Variants in CHRM3 observed in about 807,000 individuals in gnomAD.
CHRM3 encodes the protein muscarinic acetylcholine receptor M3.
CHRM3 carries 11 observed loss-of-function variants against 41.8 expected under a neutral mutation model. The ratio of observed to expected loss-of-function variants is 0.26; its 90% CI spans 0.17 to 0.44. CHRM3 has a LOEUF of 0.44. Among genes scored for constraint, CHRM3 ranks in the 20% least tolerant of loss-of-function variants. The pLI is 1.00. For missense variants in CHRM3, 571 were observed against 745.4 expected, an observed-to-expected ratio of 0.77 and a Z score of 2.72; for synonymous variants, 297 against 301.4, an observed-to-expected ratio of 0.99 and a Z score of 0.15.
intron 1 of CHRM3, among the ~76,000 whole-genome samples, chr1:239,389,265 T>C (rs1037120344): frequency 2.0e-5 from 3 of 152,218 alleles, no homozygotes; most frequent in African/African-American, 4.8e-5. Flanking sequence ...TAATGAGTAG[T>C]TCTGTATTAA....
Position 239,909,453 on chromosome 1 carries a change from A to C in CHRM3, c.*229A>C. Reference sequence around the variant, plus strand: ...AAAACATACTACTGAATATAAAGAAATTTATTCTGAAATAGACTTTACGTG... The same window carrying C: ...AAAACATACTACTGAATATAAAGAACTTTATTCTGAAATAGACTTTACGTG... On this transcript the variant is annotated 3_prime_UTR_variant, in exon 7 of 7. Coordinates refer to ENST00000676153, the MANE Select transcript of CHRM3 (RefSeq NM_001375978.1). 2.2e-6 allele frequency: 1 copy of C among 448,616 alleles called. No individual in the cohort carries two copies. The highest frequency in any genetic ancestry group is 4.0e-6 in the Non-Finnish European group (1 of 247,520). The allele number at this position is 448,616 out of a possible 1,614,324, so 27.8% of individuals were successfully genotyped here. A position where few individuals can be genotyped will look rare whatever the true frequency, so the allele number is the denominator to read the frequency against.
intron 5 of CHRM3, among the ~76,000 whole-genome samples, chr1:239,758,630 T>G (rs1666434580): frequency 6.6e-6 from 1 of 152,244 alleles, no homozygotes; most frequent in Non-Finnish European, 1.5e-5. Context: ...GCTCACAGTT[T>G]TAAAAAAATT....
rs181012460 is a variant in CHRM3 at position 239,913,418 on chromosome 1, C to T, written c.*4194C>T. 4.2e-5 allele frequency: 7 copies of T among 167,158 alleles called. No individual in the cohort carries two copies. In the East Asian group the frequency reaches 5.8e-4, roughly 14 times the overall value. The allele number at this position is 167,158 out of a possible 1,614,324, so 10.4% of individuals were successfully genotyped here. A position where few individuals can be genotyped will look rare whatever the true frequency, so the allele number is the denominator to read the frequency against. On this transcript the variant is annotated 3_prime_UTR_variant, in exon 7 of 7. Transcript: ENST00000676153. ...GAAAGAATATTTTGCTCCAATACCACGTGCAACAAACTTATTTAGACAGTA... is the reference window on the plus strand; with the variant it reads ...GAAAGAATATTTTGCTCCAATACCATGTGCAACAAACTTATTTAGACAGTA...
At chr1:239,787,492 G>A (rs903682210) in intron 5 of CHRM3, among the ~76,000 whole-genome samples, 1 of 152,116 alleles carries the variant, frequency 6.6e-6, no homozygotes, top group African/African-American at 2.4e-5. Flanking sequence ...AGAACTCCCA[G>A]TGGCAGGAAA....
chr1:239,908,664 G>C lies in CHRM3; in HGVS notation c.1213G>C (p.Ala405Pro). Residue 405 changes from alanine to proline, a missense_variant, in exon 7 of 7, where the codon GCC (alanine) becomes CCC (proline). Around this residue, in one of 5 missense-constraint regions of CHRM3, gnomAD observed 239 missense variants for 239.6 expected, o/e 1.00. Transcript: ENST00000676153. This position sits in a 1 kb window ranked among gnomAD's most constrained non-coding sequence, Gnocchi z 7.2. ...GGGGATGGTGGACTTGGAGAGGAAA[G>C]CCGACAAGCTGCAGGCCCAGAAGAG... ...ELGMVDLERK[A>P]DKLQAQKSVD... 6.2e-7 allele frequency: 1 copy of C among 1,612,822 alleles called. No individual in the cohort carries two copies. The highest frequency in any genetic ancestry group is 8.5e-7 in the Non-Finnish European group (1 of 1,179,444).
chr1:239,834,625 C>G (rs1238612904), intron 6 of CHRM3, among the ~76,000 whole-genome samples: 2 of 152,200 alleles, frequency 1.3e-5, no homozygotes, highest in Non-Finnish European at 2.9e-5. Flanking sequence ...CCCACTCAGT[C>G]TTCAAAGACC....
At chr1:239,432,477 C>T (rs1386580015) in intron 1 of CHRM3, among the ~76,000 whole-genome samples, 11 of 152,092 alleles carry the variant, frequency 7.2e-5, no homozygotes, top group Admixed American at 4.6e-4. Context: ...TTTGCTGTTA[C>T]GTGAAGAGTG....
intron 5 of CHRM3, among the ~76,000 whole-genome samples, chr1:239,739,721 C>T (rs1208892402): frequency 6.6e-6 from 1 of 151,930 alleles, no homozygotes; most frequent in Non-Finnish European, 1.5e-5. Flanking sequence ...AAAAATGGGG[C>T]ATGTCCCAGT....
At chr1:239,504,446 A>C (rs1668433884) in intron 2 of CHRM3, among the ~76,000 whole-genome samples, 1 of 152,212 alleles carries the variant, frequency 6.6e-6, no homozygotes, top group Non-Finnish European at 1.5e-5. Flanking sequence ...TGAACAGGGA[A>C]CACTTCTACA....
At chr1:239,893,745 A>G (rs1012915379) in intron 6 of CHRM3, among the ~76,000 whole-genome samples, 6 of 152,098 alleles carry the variant, frequency 3.9e-5, no homozygotes, top group Non-Finnish European at 8.8e-5. Context: ...AAAAAAAAAA[A>G]AAAAAAAGAA....
intron 1 of CHRM3, among the ~76,000 whole-genome samples, chr1:239,414,049 T>C (rs773374450): frequency 1.3e-5 from 2 of 152,214 alleles, no homozygotes; most frequent in Non-Finnish European, 2.9e-5. Flanking sequence ...TAGGCCCTTG[T>C]CGTTTGTAAA....
At chr1:239,759,714 G>A (rs1666571876) in intron 5 of CHRM3, among the ~76,000 whole-genome samples, 2 of 152,044 alleles carry the variant, frequency 1.3e-5, no homozygotes, top group South Asian at 2.1e-4. Context: ...ATTTTTACAC[G>A]GCCAGAAAGG....
rs568453825 is a variant in CHRM3, at chr1:239,821,137, G to C, written c.-146-6115G>C. ...GGGTTCAGTGGCCATCCCAAAGCTA[G>C]AAGAAATTATTTGTGGTATGGTTGT... On this transcript the variant is annotated intron_variant, in intron 5 of 6. Coordinates refer to ENST00000676153, the MANE Select transcript of CHRM3 (RefSeq NM_001375978.1). Among the ~76,000 whole-genome samples the C allele has an allele frequency of 2.6e-5, 4 of 152,290 alleles. No homozygotes were observed. The East Asian group carries it at 7.7e-4, about 29-fold the overall frequency.
chr1:239,851,312 G>A (rs1479270762), intron 6 of CHRM3, among the ~76,000 whole-genome samples: 1 of 152,134 alleles, frequency 6.6e-6, no homozygotes, highest in Non-Finnish European at 1.5e-5. Context: ...CACTCTGAAA[G>A]ATCCTAAAAG....
At chr1:239,481,835 AG>A (rs1295201786) in intron 1 of CHRM3, among the ~76,000 whole-genome samples, 1 of 152,134 alleles carries the variant, frequency 6.6e-6, no homozygotes, top group Non-Finnish European at 1.5e-5. Context: ...TATGTGTTGG[AG>A]TAATAGAATC....
At chr1:239,446,166 A>C (rs970945850) in intron 1 of CHRM3, among the ~76,000 whole-genome samples, 5 of 152,096 alleles carry the variant, frequency 3.3e-5, no homozygotes, top group African/African-American at 1.2e-4. Flanking sequence ...TGATCTCCTG[A>C]CCTCGTGATC....
At chr1:239,583,415 T>C (rs1402326359) in intron 3 of CHRM3, among the ~76,000 whole-genome samples, 1 of 152,204 alleles carries the variant, frequency 6.6e-6, no homozygotes, top group East Asian at 1.9e-4. Context: ...GTCTCTGCTA[T>C]GCCTGGCAAT....
chr1:239,493,187 A>G (rs548472597), intron 2 of CHRM3, among the ~76,000 whole-genome samples: 1 of 152,356 alleles, frequency 6.6e-6, no homozygotes, highest in South Asian at 2.1e-4. Context: ...ATATGATGAA[A>G]TACTAGAAAT....
intron 5 of CHRM3, among the ~76,000 whole-genome samples, chr1:239,783,938 C>T (rs1668697654): frequency 6.6e-6 from 1 of 152,164 alleles, no homozygotes. Context: ...TTAGTTCCCT[C>T]TTATAAGTGA....
Sources: allele counts gnomAD v4.1 joint callset (sites outside exome capture counted in the v4.1 genomes callset), GRCh38; gene constraint gnomAD v4.1.1; regional missense constraint gnomAD v4.1.1; non-coding constraint Gnocchi (gnomAD v3.1); transcripts MANE v1.5; gene names NCBI Gene and HGNC (gene_info 2026-07-23, HGNC 2026-07-21).